DMC1: variants seen among roughly 807,000 people sequenced by gnomAD.
DMC1 encodes the protein meiotic recombination protein DMC1 homolog.
In DMC1, 27 loss-of-function variants were observed where a neutral mutation model predicts 50.1. The ratio of observed to expected loss-of-function variants is 0.54; its 90% CI spans 0.40 to 0.74. The LOEUF is 0.74. Ranked by LOEUF, DMC1 falls within the 30% of genes least tolerant of loss-of-function variation. The pLI is 0.00. For synonymous variants in DMC1, 148 were observed against 136.1 expected, an observed-to-expected ratio of 1.09 and a Z score of -0.61; for missense variants, 295 against 420.2, an observed-to-expected ratio of 0.70 and a Z score of 2.60.
chr22:38,509,421 C>T, the DMC1 span, among the ~76,000 whole-genome samples: 1 of 152,134 alleles, frequency 6.6e-6, no homozygotes, highest in African/African-American at 2.4e-5. Context: ...TGCTCACGCT[C>T]AGATAATCTG....
chr22:38,540,936 C>G (rs544911977), intron 8 of DMC1, among the ~76,000 whole-genome samples: 34 of 152,276 alleles, frequency 2.2e-4, no homozygotes, highest in African/African-American at 8.2e-4. Flanking sequence ...GCTGAAAGTG[C>G]CCTTATACAA....
the DMC1 span, among the ~76,000 whole-genome samples, chr22:38,511,645 G>T: frequency 6.6e-6 from 1 of 151,990 alleles, no homozygotes; most frequent in Non-Finnish European, 1.5e-5. Context: ...TCTGTCACCT[G>T]GGCTGGAGTG....
chr22:38,512,776 G>C, the DMC1 span, among the ~76,000 whole-genome samples: 1 of 152,144 alleles, frequency 6.6e-6, no homozygotes, highest in Non-Finnish European at 1.5e-5. Flanking sequence ...CTAAGGCAAA[G>C]GGAAACTTAT....
At chr22:38,540,619 A>C (rs975204019) in intron 8 of DMC1, among the ~76,000 whole-genome samples, 3 of 152,272 alleles carry the variant, frequency 2.0e-5, no homozygotes, top group South Asian at 4.1e-4. Context: ...GACCATTTAT[A>C]ATCTTATTTG....
At chr22:38,511,481 G>C in the DMC1 span, among the ~76,000 whole-genome samples, 6 of 151,692 alleles carry the variant, frequency 4.0e-5, no homozygotes, top group South Asian at 1.3e-3. Context: ...TTCCATATAC[G>C]TGGAAGGCTG....
At chr22:38,550,462 C>A (rs2090391743) in intron 7 of DMC1, among the ~76,000 whole-genome samples, 1 of 151,022 alleles carries the variant, frequency 6.6e-6, no homozygotes, top group Admixed American at 6.6e-5. Context: ...TACAGGCAGG[C>A]ACTGCCACAC....
chr22:38,521,744 T>C lies in DMC1; in HGVS notation c.837-20A>G, dbSNP rs1339159958. ...TGAAAGCTGAATTAATAAAATACTC[T>C]TTCAGGTTTCATCATATGGACTATA... On this transcript the variant is annotated intron_variant, in intron 12 of 13. Coordinates refer to ENST00000216024, the MANE Select transcript of DMC1 (RefSeq NM_007068.4). The C allele has an allele frequency of 6.5e-7, 1 of 1,531,544 alleles. No homozygotes were observed. Among genetic ancestry groups the C allele is most frequent in the Non-Finnish European group, 9.0e-7 (1 of 1,105,074 alleles). 94.9% of individuals were successfully genotyped at this position (1,531,544 alleles called of 1,614,324 possible).
At chr22:38,539,467 A>G in intron 8 of DMC1, 55 bp from the exon 9 acceptor site, 2 of 1,326,118 alleles carry the variant, frequency 1.5e-6, no homozygotes, top group South Asian at 2.4e-5. Context: ...AAGTTTAGAC[A>G]ACCACTACAA....
chr22:38,515,348 G>C (rs2089969431), downstream of DMC1, among the ~76,000 whole-genome samples: 1 of 151,354 alleles, frequency 6.6e-6, no homozygotes. Context: ...GGCGAGGTTA[G>C]GCATGCCTGT....
chr22:38,553,956 CAAAAAAAAA>C (rs35690372), intron 6 of DMC1, among the ~76,000 whole-genome samples: 2 of 34,750 alleles, frequency 5.8e-5, no homozygotes, highest in East Asian at 8.5e-4. Context: ...ACTCCATCTC[CAAAAAAAAA>C]AAAAAAAAAA....
chr22:38,545,182 G>A (rs1418051098), intron 8 of DMC1, among the ~76,000 whole-genome samples: 1 of 152,034 alleles, frequency 6.6e-6, no homozygotes, highest in Non-Finnish European at 1.5e-5. Context: ...GCCCAGGTGG[G>A]AGGATCACTA....
chr22:38,510,292 A>AAAAATAC, the DMC1 span, among the ~76,000 whole-genome samples: 1 of 152,102 alleles, frequency 6.6e-6, no homozygotes, highest in Non-Finnish European at 1.5e-5. Flanking sequence ...CGTCTCTACT[A>AAAAATAC]AAAATACAAA....
At chr22:38,554,963 A>G (rs1487619144) in intron 6 of DMC1, among the ~76,000 whole-genome samples, 1 of 152,104 alleles carries the variant, frequency 6.6e-6, no homozygotes, top group Non-Finnish European at 1.5e-5. Flanking sequence ...AGGCGCCTGT[A>G]GTCCCAGCTA....
intron 12 of DMC1, among the ~76,000 whole-genome samples, chr22:38,529,023 T>C (rs373136610): frequency 9.1e-4 from 139 of 152,200 alleles, no homozygotes; most frequent in African/African-American, 2.2e-3. Flanking sequence ...TTCTTTCTTT[T>C]TTTTTTGACG....
At chr22:38,553,388 C>T (rs570070001) in intron 6 of DMC1, among the ~76,000 whole-genome samples, 6 of 148,960 alleles carry the variant, frequency 4.0e-5, no homozygotes, top group African/African-American at 1.5e-4. Context: ...GTCCCAGCTA[C>T]TCGGGAGGCT....
chr22:38,514,729 C>T (rs1385558378), downstream of DMC1, among the ~76,000 whole-genome samples: 1 of 152,100 alleles, frequency 6.6e-6, no homozygotes, highest in Non-Finnish European at 1.5e-5. Context: ...CTCCCACCAG[C>T]GCCATGACAG....
chr22:38,516,338 C>T (rs190373802), downstream of DMC1, among the ~76,000 whole-genome samples: 1 of 152,230 alleles, frequency 6.6e-6, no homozygotes, highest in East Asian at 1.9e-4. Flanking sequence ...TTGTTTTGGG[C>T]CCTGTTTTCC....
chr22:38,551,627 A>G (rs1391525961), intron 7 of DMC1, among the ~76,000 whole-genome samples: 4 of 151,456 alleles, frequency 2.6e-5, no homozygotes, highest in East Asian at 2.0e-4. Flanking sequence ...ACCACGCTAG[A>G]CTGCAATTAC....
At chr22:38,526,620 T>C (rs2090094241) in intron 12 of DMC1, among the ~76,000 whole-genome samples, 1 of 152,032 alleles carries the variant, frequency 6.6e-6, no homozygotes, top group South Asian at 2.1e-4. Flanking sequence ...AAAATTTTTG[T>C]GTAAGTCTGG....
Sources: gnomAD v4.1 joint callset for allele counts (sites outside exome capture counted in the v4.1 genomes callset) on GRCh38, gnomAD v4.1.1 for gene constraint, MANE v1.5 for transcripts, NCBI Gene and HGNC (gene_info 2026-07-23, HGNC 2026-07-21) for gene names.